Variants in ANO6 observed in about 807,000 individuals in gnomAD.
ANO6 encodes anoctamin-6.
Under a neutral mutation model 117.5 loss-of-function variants are expected in ANO6, and 106 were observed. The ratio of observed to expected loss-of-function variants is 0.90; its 90% confidence interval spans 0.77 to 1.06. The LOEUF is 1.06. Among genes scored for constraint, ANO6 ranks in the 50% least tolerant of loss-of-function variants. The pLI, the probability that ANO6 is intolerant of heterozygous loss-of-function variation, is 0.00. For synonymous variants in ANO6, 367 were observed against 385.1 expected (o/e 0.95, Z 0.55); for missense variants, 955 against 1,121.1 (o/e 0.85, Z 2.12).
At chr12:45,363,795 C>T (rs555130595) in intron 8 of ANO6, among the ~76,000 whole-genome samples, 52 of 152,262 alleles carry the variant, frequency 3.4e-4, no homozygotes, top group African/African-American at 9.1e-4. Flanking sequence ...TAAGGGGAAA[C>T]GCGTTTCACT....
intron 10 of ANO6, among the ~76,000 whole-genome samples, chr12:45,387,001 A>G (rs924163848): frequency 2.0e-5 from 3 of 152,196 alleles, no homozygotes; most frequent in Admixed American, 6.5e-5. Flanking sequence ...TTAATAATCA[A>G]CTATACCTGT....
chr12:45,236,909 A>G (rs1404872607), intron 1 of ANO6, among the ~76,000 whole-genome samples: 2 of 152,232 alleles, frequency 1.3e-5, no homozygotes, highest in African/African-American at 4.8e-5. Flanking sequence ...TGACTTTTTA[A>G]TGATCGCCAT....
intron 12 of ANO6, among the ~76,000 whole-genome samples, chr12:45,393,601 C>T (rs565382997): frequency 6.6e-5 from 10 of 152,058 alleles, no homozygotes; most frequent in Non-Finnish European, 1.5e-4. Flanking sequence ...GAGAGAAAGG[C>T]CGAGTTACCC....
At position 45,274,625 on chromosome 12, in the gene ANO6, A is replaced by G. The variant is rs114689817; in HGVS notation, c.71-27389A>G. On this transcript the variant is annotated intron_variant, in intron 1 of 19. Transcript: ENST00000320560. ...AGTGATCCTTCTCTTTTACACCTTT[A>G]TACTGTCTGTAGTGGCTTCTCTACA... Among the ~76,000 whole-genome samples, 1,148 of 151,962 alleles carry G rather than the reference A, an allele frequency of 7.6e-3. 15 individuals are homozygous for G. Among genetic ancestry groups the G allele is most frequent in the African/African-American group, 0.027 (1,106 of 41,408 alleles).
chr12:45,378,265 A>C, intron 10 of ANO6, 152 bp downstream of exon 10: 1 of 738,976 alleles, frequency 1.4e-6, no homozygotes, highest in South Asian at 1.7e-5. Flanking sequence ...TTATCAGTTA[A>C]CTTTTACTAT....
chr12:45,216,186 C>A lies in ANO6; in HGVS notation c.-136C>A. 1 of 1,015,182 alleles carries A rather than the reference C, an allele frequency of 9.9e-7. No homozygotes were observed. The highest frequency in any genetic ancestry group is 1.5e-6 in the Non-Finnish European group (1 of 677,988). 62.9% of individuals were successfully genotyped at this position (1,015,182 alleles called of 1,614,324 possible). On this transcript the variant is annotated 5_prime_UTR_variant, in exon 1 of 20. In the 5' UTR this introduces an upstream ATG that the reference lacks. Coordinates refer to ENST00000320560, the MANE Select transcript of ANO6 (RefSeq NM_001025356.3). ...TCGGCTCGGCTTTCCCCGGCGCTGGCTGGGCTCAGCGGCCCCTGAGCCCAA... is the reference window on the plus strand; with the variant it reads ...TCGGCTCGGCTTTCCCCGGCGCTGGATGGGCTCAGCGGCCCCTGAGCCCAA...
At chr12:45,282,156 G>T (rs1243030112) in intron 1 of ANO6, among the ~76,000 whole-genome samples, 1 of 152,220 alleles carries the variant, frequency 6.6e-6, no homozygotes, top group Non-Finnish European at 1.5e-5. Context: ...ACAGCTTTGA[G>T]TGTGTTTGTG....
At chr12:45,236,050 G>C (rs1947640354) in intron 1 of ANO6, among the ~76,000 whole-genome samples, 1 of 152,220 alleles carries the variant, frequency 6.6e-6, no homozygotes, top group Admixed American at 6.5e-5. Flanking sequence ...TCAGGAGAAG[G>C]AAATTAGTTA....
chr12:45,302,056 C>T lies in ANO6; in HGVS notation c.113C>T (p.Ser38Leu), dbSNP rs1199415826. 6.2e-6 allele frequency: 10 copies of T among 1,613,858 alleles called. No homozygotes were observed. Among genetic ancestry groups the T allele is most frequent in the Non-Finnish European group, 8.5e-6 (10 of 1,179,908 alleles). The change falls in exon 2 of 20, where the codon TCA becomes TTA. Residue 38 changes from serine to leucine, a missense_variant. Coordinates refer to ENST00000320560, the MANE Select transcript of ANO6 (RefSeq NM_001025356.3). ...LGQTIVPDLG[S>L]LESQHDFRTP... ...CAGACAATTGTCCCCGATTTGGGAT[C>T]ACTGGAAAGTCAGCATGATTTTCGA... is the stretch of plus-strand genomic sequence containing the variant.
chr12:45,218,878 C>A (rs1391929924), intron 1 of ANO6, among the ~76,000 whole-genome samples: 5 of 152,166 alleles, frequency 3.3e-5, no homozygotes, highest in Admixed American at 3.3e-4. Flanking sequence ...TAGTTTGAAA[C>A]CCACTTGGGT....
chr12:45,282,016 A>G (rs1051875955), intron 1 of ANO6, among the ~76,000 whole-genome samples: 1 of 152,178 alleles, frequency 6.6e-6, no homozygotes, highest in Non-Finnish European at 1.5e-5. Context: ...ACTCTTCAGC[A>G]CCATAGGAGA....
intron 8 of ANO6, among the ~76,000 whole-genome samples, chr12:45,361,199 G>T (rs1941546849): frequency 6.6e-6 from 1 of 151,894 alleles, no homozygotes; most frequent in African/African-American, 2.4e-5. Flanking sequence ...CATTTATTTA[G>T]GTCTTTCATT....
At chr12:45,248,161 A>G (rs1947852490) in intron 1 of ANO6, among the ~76,000 whole-genome samples, 1 of 152,218 alleles carries the variant, frequency 6.6e-6, no homozygotes, top group Admixed American at 6.5e-5. Context: ...CCTGACATGC[A>G]TGTGTAACAG....
At chr12:45,261,565 C>T (rs962338636) in intron 1 of ANO6, among the ~76,000 whole-genome samples, 1 of 152,220 alleles carries the variant, frequency 6.6e-6, no homozygotes, top group Non-Finnish European at 1.5e-5. Flanking sequence ...AAGTGGCAGT[C>T]CTGGCTCTGT....
intron 18 of ANO6, 26 bp downstream of exon 18, chr12:45,421,299 A>G: frequency 3.1e-6 from 5 of 1,603,394 alleles, no homozygotes; most frequent in Non-Finnish European, 3.4e-6. Flanking sequence ...CTTGTTTAAA[A>G]ATGCACTTCA....
chr12:45,403,627 ACATAG>A, intron 15 of ANO6, 91 bp downstream of exon 15: 2 of 954,294 alleles, frequency 2.1e-6, no homozygotes, highest in East Asian at 3.6e-5. Context: ...CCACATAGCC[ACATAG>A]CTGCATGTCC....
At chr12:45,366,275 A>T (rs1465885985) in intron 8 of ANO6, among the ~76,000 whole-genome samples, 1 of 151,816 alleles carries the variant, frequency 6.6e-6, no homozygotes, top group Non-Finnish European at 1.5e-5. Context: ...AATATCTTGA[A>T]TGTATCAATA....
intron 8 of ANO6, among the ~76,000 whole-genome samples, chr12:45,365,883 GTTCTGCA>G (rs1378720001): frequency 6.6e-6 from 1 of 152,168 alleles, no homozygotes; most frequent in Non-Finnish European, 1.5e-5. Context: ...AATTTCCAGA[GTTCTGCA>G]AAGGCTGATT....
chr12:45,257,674 G>T (rs985003357), intron 1 of ANO6, among the ~76,000 whole-genome samples: 3 of 152,136 alleles, frequency 2.0e-5, no homozygotes, highest in Non-Finnish European at 4.4e-5. Context: ...AGGCTCTTGT[G>T]TCTCACCTGG....
Sources: gnomAD v4.1 joint callset for allele counts (sites outside exome capture counted in the v4.1 genomes callset) on GRCh38, gnomAD v4.1.1 for gene constraint, MANE v1.5 for transcripts, NCBI Gene and HGNC (gene_info 2026-07-23, HGNC 2026-07-21) for gene names.